The following PDE8B variants were observed in gnomAD, a reference collection of about 807,000 sequenced individuals.
PDE8B encodes the protein phosphodiesterase 8B.
A neutral mutation model predicts 101.3 loss-of-function variants in PDE8B; 26 were observed. That is an observed-to-expected ratio of 0.26 (90% CI 0.19 to 0.36). The LOEUF (loss-of-function observed/expected upper bound fraction) is 0.36, where lower values mean the gene tolerates loss of function less well. PDE8B is among the 10% of genes least tolerant of loss of function. The pLI is 1.00. For synonymous variants in PDE8B, 424 were observed against 429.3 expected (o/e 0.99, Z 0.15); for missense variants, 810 against 1,163.1 (o/e 0.70, Z 4.42).
the PDE8B span, among the ~76,000 whole-genome samples, chr5:77,125,490 G>A: frequency 6.6e-6 from 1 of 152,164 alleles, no homozygotes; most frequent in Non-Finnish European, 1.5e-5. Flanking sequence ...TAAAAGCAGA[G>A]ACTCAAATAG....
At chr5:77,179,219 T>A in the PDE8B span, among the ~76,000 whole-genome samples, 1 of 152,274 alleles carries the variant, frequency 6.6e-6, no homozygotes, top group African/African-American at 2.4e-5. Context: ...TAGGCCTTTA[T>A]GACTAATGTC....
chr5:77,292,689 T>C (rs1289809632), intron 1 of PDE8B, among the ~76,000 whole-genome samples: 1 of 152,252 alleles, frequency 6.6e-6, no homozygotes, highest in Non-Finnish European at 1.5e-5. Context: ...GCTTGTCCTT[T>C]TCTTGACCCT....
chr5:77,328,943 T>C (rs1372458273), intron 3 of PDE8B, 55 bp from the exon 4 acceptor site: 2 of 1,352,206 alleles, frequency 1.5e-6, no homozygotes, highest in African/African-American at 2.9e-5. Context: ...TCCACATTCA[T>C]TTAATGTAAC....
At chr5:77,359,031 C>T (rs1452845931) in intron 10 of PDE8B, among the ~76,000 whole-genome samples, 1 of 152,032 alleles carries the variant, frequency 6.6e-6, no homozygotes, top group Non-Finnish European at 1.5e-5. Flanking sequence ...TGAGAAACCA[C>T]GTTTGGAACA....
At chr5:77,418,701 A>T (rs1796048223) in intron 18 of PDE8B, among the ~76,000 whole-genome samples, 1 of 152,214 alleles carries the variant, frequency 6.6e-6, no homozygotes, top group Non-Finnish European at 1.5e-5. Context: ...TACTATTACT[A>T]AGTACACCAG....
intron 3 of PDE8B, among the ~76,000 whole-genome samples, chr5:77,327,142 T>G (rs1467874293): frequency 2.0e-5 from 3 of 152,194 alleles, no homozygotes; most frequent in African/African-American, 7.2e-5. Context: ...CCAGCACACA[T>G]TCCCTGGGGA....
the PDE8B span, among the ~76,000 whole-genome samples, chr5:77,124,459 A>G: frequency 6.6e-6 from 1 of 151,944 alleles, no homozygotes. Flanking sequence ...GTGGTGGTGC[A>G]CACCTGTATC....
At chr5:77,097,685 T>TTATATATCTATATATATATATCTATA in the PDE8B span, among the ~76,000 whole-genome samples, 1 of 18,114 alleles carries the variant, frequency 5.5e-5, no homozygotes, top group Non-Finnish European at 1.4e-4. Flanking sequence ...TGTGGAGATT[T>TTATATATCTATATATATATATCTATA]TATATATCTA....
chr5:77,388,999 T>C (rs1789328421), intron 10 of PDE8B, among the ~76,000 whole-genome samples: 1 of 152,198 alleles, frequency 6.6e-6, no homozygotes, highest in South Asian at 2.1e-4. Context: ...GGATCTGAGC[T>C]TTCTGGGCTC....
the PDE8B span, chr5:77,114,810 A>G: frequency 6.6e-6 from 1 of 152,250 alleles, no homozygotes; most frequent in Non-Finnish European, 1.5e-5. Flanking sequence ...TTGTTAACTT[A>G]TTGCTTTAAA....
rs1232940492 is a variant in PDE8B at position 77,412,129 on chromosome 5, A to G, written c.1606A>G (p.Met536Val). 1.9e-6 allele frequency: 3 copies of G among 1,614,114 alleles called. No individual in the cohort carries two copies. Among genetic ancestry groups the G allele is most frequent in the East Asian group, 2.2e-5 (1 of 44,886 alleles). ...GCACCAGAGTCACAGTCACCTTGCA[A>G]TGCCAATAACCATCAATGATGTTCC... ...NVHQSHSHLA[M>V]PITINDVPPC... Residue 536 changes from methionine to valine, a missense_variant, in exon 16 of 22, where the codon ATG becomes GTG. Met to Val is a conservative substitution (Grantham distance 21). Transcript: ENST00000264917.
chr5:77,264,449 T>C (rs1289692612), intron 1 of PDE8B, among the ~76,000 whole-genome samples: 2 of 152,196 alleles, frequency 1.3e-5, no homozygotes, highest in Admixed American at 1.3e-4. Context: ...TTTTTTATAA[T>C]AGTGGGGACA....
intron 1 of PDE8B, among the ~76,000 whole-genome samples, chr5:77,251,015 G>C (rs1216375192): frequency 1.3e-5 from 2 of 152,158 alleles, no homozygotes; most frequent in African/African-American, 2.4e-5. Flanking sequence ...AGACAGTTTC[G>C]ATAGCTAGGG....
chr5:77,271,798 A>T (rs367989174), intron 1 of PDE8B, among the ~76,000 whole-genome samples: 1 of 152,194 alleles, frequency 6.6e-6, no homozygotes, highest in Non-Finnish European at 1.5e-5. Flanking sequence ...ATACATTCTC[A>T]TCTGATTTCC....
Position 77,210,969 on chromosome 5 carries a change from T to A in PDE8B, c.44T>A (p.Ile15Asn). ...PSIHVSQSGV[I>N]YCRDSDESSS... ...ATCCATGTCTCGCAGAGCGGCGTGA[T>A]CTACTGCCGGGACTCGGACGAGTCC... The change falls in exon 1 of 22, where the codon ATC becomes AAC. Residue 15 changes from isoleucine to asparagine, a missense_variant. By Grantham distance (149) the Ile-to-Asn change is moderately radical (BLOSUM62 -3). Transcript: ENST00000264917. The surrounding 1 kb of genome is among the most constrained non-coding windows in gnomAD (Gnocchi z 4.9). 6 of 1,533,590 alleles carry A rather than the reference T, an allele frequency of 3.9e-6. No homozygotes were observed. The highest frequency in any genetic ancestry group is 5.2e-6 in the Non-Finnish European group (6 of 1,150,028). The allele number at this position is 1,533,590 out of a possible 1,614,324, so 95.0% of individuals were successfully genotyped here.
chr5:77,426,424 G>T (rs376200592), intron 21 of PDE8B, 21 bp from the exon 22 acceptor site: 137 of 1,537,066 alleles, frequency 8.9e-5, no homozygotes, highest in South Asian at 8.0e-4. Flanking sequence ...GGTTTCTTTT[G>T]ATTCTTTTCT....
At chr5:77,243,790 G>A (rs914970266) in intron 1 of PDE8B, among the ~76,000 whole-genome samples, 7 of 152,284 alleles carry the variant, frequency 4.6e-5, no homozygotes, top group Middle Eastern at 3.4e-3. Flanking sequence ...GCTATTATAA[G>A]TAATGCTGCT....
chr5:77,200,565 A>T, the PDE8B span, among the ~76,000 whole-genome samples: 34 of 145,498 alleles, frequency 2.3e-4, no homozygotes, highest in African/African-American at 8.2e-4. Flanking sequence ...CTTTTTTTTA[A>T]AAAATTTTGT....
chr5:77,377,147 C>T (rs781592956), intron 10 of PDE8B, among the ~76,000 whole-genome samples: 15 of 152,200 alleles, frequency 9.9e-5, no homozygotes, highest in Non-Finnish European at 2.1e-4. Context: ...CTCAGCAGAG[C>T]ACCCCACATA....
Sources: allele counts gnomAD v4.1 joint callset (sites outside exome capture counted in the v4.1 genomes callset), GRCh38; gene constraint gnomAD v4.1.1; non-coding constraint Gnocchi (gnomAD v3.1); transcripts MANE v1.5; gene names NCBI Gene and HGNC (gene_info 2026-07-23, HGNC 2026-07-21).